IL34: variants seen among roughly 807,000 people sequenced by gnomAD.
IL34 encodes interleukin 34, also known as interleukin-34.
A neutral mutation model predicts 25.3 loss-of-function variants in IL34; 17 were observed. The ratio of observed to expected loss-of-function variants is 0.67; its 90% CI spans 0.46 to 1.01. The LOEUF (loss-of-function observed/expected upper bound fraction) is 1.01. IL34 is among the 50% of genes least tolerant of loss of function. The pLI is 0.00. For missense variants in IL34, 368 were observed against 312.9 expected (o/e 1.18, Z -1.33); for synonymous variants, 174 against 140.9 (o/e 1.23, Z -1.66).
chr16:70,596,161 A>C (rs971203547), intron 1 of IL34, among the ~76,000 whole-genome samples: 4 of 152,082 alleles, frequency 2.6e-5, no homozygotes, highest in African/African-American at 9.7e-5. Flanking sequence ...TTTTCCCTGT[A>C]GCCTCAGAGG....
At chr16:70,636,546 A>G (rs2051649423) in intron 1 of IL34, among the ~76,000 whole-genome samples, 1 of 151,514 alleles carries the variant, frequency 6.6e-6, no homozygotes, top group Non-Finnish European at 1.5e-5. Context: ...GGCTGAGACC[A>G]GGAGCTTGAG....
At chr16:70,621,690 A>G (rs188345571) in intron 1 of IL34, among the ~76,000 whole-genome samples, 9 of 152,130 alleles carry the variant, frequency 5.9e-5, no homozygotes, top group African/African-American at 1.7e-4. Flanking sequence ...GGGTGCAGGC[A>G]GGCTGAGTCC....
intron 1 of IL34, among the ~76,000 whole-genome samples, chr16:70,631,405 A>G (rs2051514694): frequency 7.2e-6 from 1 of 138,170 alleles, no homozygotes; most frequent in South Asian, 2.7e-4. Flanking sequence ...CCATGGAGTT[A>G]GAAAAAACTA....
At chr16:70,614,841 G>A (rs2051149123) in intron 1 of IL34, among the ~76,000 whole-genome samples, 1 of 152,236 alleles carries the variant, frequency 6.6e-6, no homozygotes, top group South Asian at 2.1e-4. Flanking sequence ...TGGAACAGGA[G>A]CTGGGGTAGA....
chr16:70,636,002 C>G (rs1458112207), intron 1 of IL34, among the ~76,000 whole-genome samples: 1 of 151,388 alleles, frequency 6.6e-6, no homozygotes, highest in Non-Finnish European at 1.5e-5. Context: ...AGTTTGAACC[C>G]AAAAGGTGTA....
At chr16:70,647,017 T>A (rs1447757000) in intron 1 of IL34, 42 bp downstream of exon 1, 2 of 1,428,270 alleles carry the variant, frequency 1.4e-6, no homozygotes, top group Non-Finnish European at 1.8e-6. Flanking sequence ...TTGGGAGGCC[T>A]TGGCCTAGAT....
intron 1 of IL34, among the ~76,000 whole-genome samples, chr16:70,634,412 G>T (rs1056545744): frequency 7.2e-5 from 11 of 152,070 alleles, no homozygotes; most frequent in Non-Finnish European, 2.9e-5. Context: ...GGGCGCAGTG[G>T]CTCATGCCTG....
intron 1 of IL34, among the ~76,000 whole-genome samples, chr16:70,618,773 A>C (rs2051215730): frequency 6.6e-6 from 1 of 152,124 alleles, no homozygotes. Flanking sequence ...AATTATGCAG[A>C]GATAGGTAAC....
In IL34 at chr16:70,640,495, A is replaced by G. The variant is rs369201464; in HGVS notation, c.-400-6053A>G. 1.2e-3 allele frequency among the ~76,000 whole-genome samples: 184 copies of G among 151,968 alleles called. 1 individual carries two copies. Among genetic ancestry groups the G allele is most frequent in the African/African-American group, 4.3e-3 (180 of 41,436 alleles). On this transcript the variant is annotated intron_variant, in intron 1 of 6. Coordinates refer to the IL34 transcript ENST00000429149. Reference sequence around the variant, plus strand: ...AAAAGTTAGCCGGGTGTGGTGGTGCATGCCTGTAATCCCAGCTACTTGGGA... The same window carrying G: ...AAAAGTTAGCCGGGTGTGGTGGTGCGTGCCTGTAATCCCAGCTACTTGGGA...
rs748058543 is a variant in IL34, at chr16:70,646,735, C to A, written c.-213C>A. On this transcript the variant is annotated 5_prime_UTR_variant, in exon 1 of 6. Coordinates refer to ENST00000288098, the MANE Select transcript of IL34 (RefSeq NM_001393494.1). ...CATGGGACTTGCGGCCACCGCCCCC[C>A]GGCTGTCCTCCACGCTGCCGGGCAG... The A allele has an allele frequency of 1.0e-5, 5 of 497,792 alleles. No individual in the cohort carries two copies. The highest frequency in any genetic ancestry group is 1.7e-5 in the Non-Finnish European group (5 of 287,648). The allele number at this position is 497,792 out of a possible 1,614,324, so 30.8% of individuals were successfully genotyped here. A position where few individuals can be genotyped will look rare whatever the true frequency, so the allele number is the denominator to read the frequency against.
chr16:70,660,088 CCAG>C lies in IL34; in HGVS notation c.632_634del (p.Gln211del). 1 of 1,613,726 alleles carries C rather than the reference CCAG, an allele frequency of 6.2e-7. No individual in the cohort carries two copies. The highest frequency in any genetic ancestry group is 8.5e-7 in the Non-Finnish European group (1 of 1,179,894). On this transcript the variant is annotated inframe_deletion, in exon 6 of 6. Coordinates refer to ENST00000288098, the MANE Select transcript of IL34 (RefSeq NM_001393494.1). Reference sequence around the variant, plus strand: ...AGCCCTCATTGCAGTATGCGGCCACCCAGCTGTACCCTCCGCCCCCGTGGTCCC... The same window carrying C: ...AGCCCTCATTGCAGTATGCGGCCACCCTGTACCCTCCGCCCCCGTGGTCCC...
intron 1 of IL34, among the ~76,000 whole-genome samples, chr16:70,631,257 A>G (rs1390904441): frequency 2.6e-5 from 4 of 152,158 alleles, no homozygotes; most frequent in Non-Finnish European, 4.4e-5. Flanking sequence ...TGTTGTGGAC[A>G]TGGTCTGTGG....
At chr16:70,653,303 A>G (rs1404887736) in intron 1 of IL34, among the ~76,000 whole-genome samples, 7 of 149,218 alleles carry the variant, frequency 4.7e-5, no homozygotes, top group South Asian at 4.3e-4. Context: ...GCTTGACACT[A>G]GGAGTTTCAG....
chr16:70,654,729 T>C (rs963779368), intron 2 of IL34, 58 bp downstream of exon 2: 6 of 1,548,692 alleles, frequency 3.9e-6, no homozygotes, highest in Non-Finnish European at 5.3e-6. Flanking sequence ...TCACCTGGCA[T>C]AGGCCTCTGG....
At chr16:70,612,420 T>C (rs138301557) in intron 1 of IL34, among the ~76,000 whole-genome samples, 1 of 152,172 alleles carries the variant, frequency 6.6e-6, no homozygotes, top group African/African-American at 2.4e-5. Context: ...AGGCCCAAGC[T>C]GTGGTTCATC....
intron 1 of IL34, among the ~76,000 whole-genome samples, chr16:70,583,462 G>A (rs1297048744): frequency 1.3e-5 from 2 of 152,190 alleles, no homozygotes; most frequent in Non-Finnish European, 2.9e-5. Context: ...GACGAAGCGA[G>A]TGTTAGCAGC....
intron 1 of IL34, among the ~76,000 whole-genome samples, chr16:70,614,036 T>G (rs2051134836): frequency 6.6e-6 from 1 of 151,064 alleles, no homozygotes; most frequent in Non-Finnish European, 1.5e-5. Context: ...AAAAAAAAAT[T>G]ATCCAGGCGT....
intron 1 of IL34, among the ~76,000 whole-genome samples, chr16:70,592,167 C>T (rs893829055): frequency 2.0e-5 from 3 of 150,664 alleles, no homozygotes; most frequent in Non-Finnish European, 3.0e-5. Context: ...CCAGGCCCCA[C>T]TAAAGCCATA....
intron 1 of IL34, among the ~76,000 whole-genome samples, chr16:70,592,900 G>T (rs533388799): frequency 3.9e-5 from 6 of 152,122 alleles, no homozygotes; most frequent in Admixed American, 6.6e-5. Context: ...TGATCTGCCC[G>T]CCTCGGCCTC....
Sources: gnomAD v4.1 joint callset for allele counts (sites outside exome capture counted in the v4.1 genomes callset) on GRCh38, gnomAD v4.1.1 for gene constraint, MANE v1.5 for transcripts, NCBI Gene and HGNC (gene_info 2026-07-23, HGNC 2026-07-21) for gene names.